Variants in COLEC10 observed in about 807,000 individuals in gnomAD.
COLEC10 encodes collectin-10.
Under a neutral mutation model 28.4 loss-of-function variants are expected in COLEC10, and 22 were observed. The observed-to-expected ratio is 0.78, with a 90% confidence interval of 0.55 to 1.11. The LOEUF (loss-of-function observed/expected upper bound fraction) is 1.11, where lower values mean the gene tolerates loss of function less well. COLEC10 is among the 50% of genes least tolerant of loss of function. COLEC10 has a pLI of 0.00. For synonymous variants in COLEC10, 125 were observed against 116.1 expected (o/e 1.08, Z -0.49); for missense variants, 361 against 344.1 (o/e 1.05, Z -0.39).
chr8:119,063,671 C>A (rs1366420918), upstream of COLEC10, among the ~76,000 whole-genome samples: 6 of 150,004 alleles, frequency 4.0e-5, no homozygotes, highest in Non-Finnish European at 7.4e-5. Flanking sequence ...GTCATGTTCA[C>A]AAGTTCCTGG....
At chr8:118,973,330 T>G in the COLEC10 span, among the ~76,000 whole-genome samples, 1 of 152,012 alleles carries the variant, frequency 6.6e-6, no homozygotes, top group Non-Finnish European at 1.5e-5. Flanking sequence ...CAGGGTCTTC[T>G]ATAAGACTGC....
chr8:119,011,493 T>C lies in COLEC10; in HGVS notation n.235+1940T>C, dbSNP rs143560763. Among the ~76,000 whole-genome samples, 1,463 of 150,844 alleles carry C rather than the reference T, an allele frequency of 9.7e-3. 107 individuals carry two copies. Among genetic ancestry groups the C allele is most frequent in the African/African-American group, 0.033 (1,315 of 40,356 alleles). Reference sequence around the variant, plus strand: ...CCTCTCCATATAAACTTATATTTATTAATATCACAAAATAACTTGCTGGGT... The same window carrying C: ...CCTCTCCATATAAACTTATATTTATCAATATCACAAAATAACTTGCTGGGT... On this transcript the variant is annotated intron_variant and non_coding_transcript_variant, in intron 2 of 6. Transcript: ENST00000521788.
At chr8:119,037,187 A>G (rs558404900) in intron 2 of COLEC10, among the ~76,000 whole-genome samples, 10 of 152,338 alleles carry the variant, frequency 6.6e-5, no homozygotes, top group African/African-American at 2.4e-4. Flanking sequence ...ATACATCTCT[A>G]AGATCAGAAT....
chr8:119,030,016 C>G (rs997439779), intron 2 of COLEC10, among the ~76,000 whole-genome samples: 1 of 152,188 alleles, frequency 6.6e-6, no homozygotes, highest in Non-Finnish European at 1.5e-5. Flanking sequence ...TGTCCCTACT[C>G]ATCCTCCTTT....
intron 3 of COLEC10, among the ~76,000 whole-genome samples, chr8:119,101,608 A>G (rs16892021): frequency 0.1 from 15,884 of 152,136 alleles, 1,937 homozygotes; most frequent in African/African-American, 0.3. Context: ...AATATATTTG[A>G]CATGACTTTG....
rs1563736412 is a variant in COLEC10 at position 119,077,253 on chromosome 8, T to TC, written c.148+9824_148+9825insC. Among the ~76,000 whole-genome samples the TC allele has an allele frequency of 6.1e-4, 68 of 112,046 alleles. 1 individual carries two copies. The highest frequency in any genetic ancestry group is 5.2e-3 in the South Asian group (22 of 4,220). The allele number at this position is 112,046 out of a possible 152,430, so 73.5% of individuals were successfully genotyped here. A position where few individuals can be genotyped will look rare whatever the true frequency, so the allele number is the denominator to read the frequency against. On this transcript the variant is annotated intron_variant, in intron 1 of 5. Transcript: ENST00000332843. Reference sequence around the variant, plus strand: ...CCTGGGTAGAGAATGATTTTTTTTTTTTTTTTTTTTTTTTGCCTCTCCATG... The same window carrying TC: ...CCTGGGTAGAGAATGATTTTTTTTTTCTTTTTTTTTTTTTTGCCTCTCCATG...
At chr8:118,977,343 A>T in the COLEC10 span, among the ~76,000 whole-genome samples, 3 of 149,206 alleles carry the variant, frequency 2.0e-5, no homozygotes, top group Non-Finnish European at 4.5e-5. Context: ...AAGACTTGGA[A>T]CCAACCCAAA....
chr8:119,009,174 A>G (rs1390974621), intron 1 of COLEC10, among the ~76,000 whole-genome samples: 1 of 150,966 alleles, frequency 6.6e-6, no homozygotes, highest in African/African-American at 2.5e-5. Context: ...CATTCTATGT[A>G]TATCACCTCC....
chr8:119,068,683 C>T (rs1318580698), intron 1 of COLEC10: 1 of 152,032 alleles, frequency 6.6e-6, no homozygotes, highest in Non-Finnish European at 1.5e-5. Context: ...CATTAGAAAC[C>T]CTGTTAAAAC....
At chr8:118,988,305 G>T in the COLEC10 span, among the ~76,000 whole-genome samples, 1 of 152,096 alleles carries the variant, frequency 6.6e-6, no homozygotes, top group Non-Finnish European at 1.5e-5. Context: ...AGGGGTAGGG[G>T]AGAGTAAGTA....
At chr8:119,094,467 T>A (rs1815671223) in intron 3 of COLEC10, among the ~76,000 whole-genome samples, 2 of 152,204 alleles carry the variant, frequency 1.3e-5, no homozygotes, top group South Asian at 4.1e-4. Flanking sequence ...TTCTGCTAAG[T>A]ACGACTAGCT....
At chr8:118,970,461 G>A in the COLEC10 span, among the ~76,000 whole-genome samples, 5 of 151,828 alleles carry the variant, frequency 3.3e-5, no homozygotes, top group African/African-American at 7.3e-5. Flanking sequence ...CTGAATCCAG[G>A]TTCCACTATT....
intron 1 of COLEC10, among the ~76,000 whole-genome samples, chr8:119,069,134 A>C (rs1815035831): frequency 6.6e-6 from 1 of 152,052 alleles, no homozygotes; most frequent in South Asian, 2.1e-4. Flanking sequence ...TTTGTATTCT[A>C]TTACAAACTC....
intron 2 of COLEC10, among the ~76,000 whole-genome samples, chr8:119,046,910 C>T (rs1814596436): frequency 6.6e-6 from 1 of 152,068 alleles, no homozygotes; most frequent in African/African-American, 2.4e-5. Flanking sequence ...AGTCGGTGGT[C>T]CTAATATACA....
upstream of COLEC10, among the ~76,000 whole-genome samples, chr8:119,062,267 GA>G (rs1451728220): frequency 6.6e-6 from 1 of 151,036 alleles, no homozygotes; most frequent in Admixed American, 6.6e-5. Flanking sequence ...TATCTAAACT[GA>G]AAAAAAATAA....
chr8:119,103,517 CA>C (rs974976080), intron 4 of COLEC10, among the ~76,000 whole-genome samples: 29 of 151,886 alleles, frequency 1.9e-4, no homozygotes, highest in Admixed American at 1.2e-3. Flanking sequence ...CCAAATGGTC[CA>C]AAATGTGTAT....
chr8:119,097,127 G>C (rs1052155651), intron 3 of COLEC10, among the ~76,000 whole-genome samples: 2 of 152,080 alleles, frequency 1.3e-5, no homozygotes, highest in African/African-American at 4.8e-5. Context: ...CTTTAGAAAG[G>C]AGGGCTGTAA....
upstream of COLEC10, among the ~76,000 whole-genome samples, chr8:119,064,468 ATT>A (rs1814916143): frequency 1.3e-5 from 2 of 152,248 alleles, no homozygotes; most frequent in African/African-American, 2.4e-5. Flanking sequence ...AGTCTAAACA[ATT>A]TAAAGAGTAT....
the COLEC10 span, among the ~76,000 whole-genome samples, chr8:118,960,401 A>G: frequency 5.3e-5 from 8 of 152,178 alleles, no homozygotes; most frequent in African/African-American, 1.7e-4. Context: ...GTACTTTTGC[A>G]TACTTTATTT....
Sources: gnomAD v4.1 joint callset for allele counts (sites outside exome capture counted in the v4.1 genomes callset) on GRCh38, gnomAD v4.1.1 for gene constraint, MANE v1.5 for transcripts, NCBI Gene and HGNC (gene_info 2026-07-23, HGNC 2026-07-21) for gene names.